Variants in RAB3IL1 observed in about 807,000 individuals in gnomAD.
RAB3IL1 encodes RAB3A interacting protein like 1.
Under a neutral mutation model 49.2 loss-of-function variants are expected in RAB3IL1, and 37 were observed. The observed-to-expected ratio is 0.75, with a 90% CI of 0.58 to 0.99. The LOEUF is 0.99. RAB3IL1 is among the 50% of genes least tolerant of loss of function. RAB3IL1 has a pLI of 0.00. For synonymous variants in RAB3IL1, 193 were observed against 213.9 expected (o/e 0.90, Z 0.85); for missense variants, 484 against 513.0 (o/e 0.94, Z 0.55).
In RAB3IL1 at chr11:61,907,586, C is replaced by T; in HGVS notation, c.339G>A (p.Glu113=). 6.2e-7 allele frequency: 1 copy of T among 1,614,130 alleles called. No homozygotes were observed. Among genetic ancestry groups the T allele is most frequent in the South Asian group, 1.1e-5 (1 of 91,078 alleles). The part of the protein sequence containing the change: ...VREQLEQELE[E]LTASLFEEAH... ...GTACCTCAAACAGGCTGGCCGTCAG[C>T]TCTTCCAGCTCCTGTTCTAGCTGCT... is the stretch of plus-strand genomic sequence containing the variant. The change falls in exon 3 of 10, where the codon GAG becomes GAA. Residue 113 remains glutamate, a synonymous_variant. Coordinates refer to ENST00000394836, the MANE Select transcript of RAB3IL1 (RefSeq NM_013401.4).
intron 8 of RAB3IL1, 65 bp downstream of exon 8, chr11:61,902,377 G>T: frequency 7.3e-7 from 1 of 1,365,518 alleles, no homozygotes; most frequent in Non-Finnish European, 1.0e-6. Flanking sequence ...CAGGCCCAGG[G>T]CCCAGTGTCC....
chr11:61,899,001 G>C, intron 9 of RAB3IL1: 1 of 531,210 alleles, frequency 1.9e-6, no homozygotes, highest in Non-Finnish European at 3.6e-6. Context: ...GCTGGAGGTG[G>C]GTGACCCTGT....
chr11:61,929,005 C>CA, the RAB3IL1 span, among the ~76,000 whole-genome samples: 5 of 151,086 alleles, frequency 3.3e-5, no homozygotes, highest in Non-Finnish European at 7.4e-5. Flanking sequence ...ACAAAATTTA[C>CA]AAAAAACAAA....
intron 7 of RAB3IL1, 136 bp from the exon 8 acceptor site, chr11:61,902,677 A>G (rs1477480986): frequency 8.9e-6 from 7 of 790,040 alleles, no homozygotes; most frequent in East Asian, 2.7e-5. Context: ...CCGGCTTCCA[A>G]AGGAACCCAG....
Position 61,908,382 on chromosome 11 carries a change from C to T in RAB3IL1, c.12-76G>A, listed in dbSNP as rs370310163. 2.7e-5 allele frequency: 35 copies of T among 1,320,452 alleles called. No individual in the cohort carries two copies. In the South Asian group the frequency reaches 4.1e-4, roughly 15 times the overall value. The allele number at this position is 1,320,452 out of a possible 1,614,324, so 81.8% of individuals were successfully genotyped here. A position where few individuals can be genotyped will look rare whatever the true frequency, so the allele number is the denominator to read the frequency against. ...GGAGAGCTGAGTCCAGAAACCGCCCCGGGGCAATGTGCCTGCCACTTGAGC... is the reference window on the plus strand; with the variant it reads ...GGAGAGCTGAGTCCAGAAACCGCCCTGGGGCAATGTGCCTGCCACTTGAGC... On this transcript the variant is annotated intron_variant, in intron 1 of 9. Coordinates refer to ENST00000394836, the MANE Select transcript of RAB3IL1 (RefSeq NM_013401.4).
chr11:61,938,248 CA>C, the RAB3IL1 span, among the ~76,000 whole-genome samples: 1 of 151,870 alleles, frequency 6.6e-6, no homozygotes, highest in African/African-American at 2.4e-5. Flanking sequence ...AACAAACAAA[CA>C]AAAAAACCTG....
At chr11:61,925,392 G>T in the RAB3IL1 span, among the ~76,000 whole-genome samples, 1 of 152,162 alleles carries the variant, frequency 6.6e-6, no homozygotes, top group African/African-American at 2.4e-5. Flanking sequence ...CCAGCACTTT[G>T]GGAGGCTGAG....
At chr11:61,902,586 C>T in intron 7 of RAB3IL1, 45 bp from the exon 8 acceptor site, 3 of 1,505,468 alleles carry the variant, frequency 2.0e-6, no homozygotes, top group Non-Finnish European at 1.8e-6. Flanking sequence ...TGGGGCTTGC[C>T]CCTCTCCCTC....
Position 61,906,693 on chromosome 11 carries a change from G to A in RAB3IL1, c.439-9C>T, listed in dbSNP as rs777074706. ...GCCTGCAGCATGTCGATCTGCATGG[G>A]ATGGGATGGCTGTCAACCCTCACCC... On this transcript the variant is annotated splice_polypyrimidine_tract_variant and intron_variant, in intron 4 of 9. Transcript: ENST00000394836. The surrounding 1 kb of genome is among the most constrained non-coding windows in gnomAD (Gnocchi z 4.6). 4.4e-6 allele frequency: 7 copies of A among 1,600,508 alleles called. No homozygotes were observed. The highest frequency in any genetic ancestry group is 1.3e-5 in the African/African-American group (1 of 74,744).
the RAB3IL1 span, among the ~76,000 whole-genome samples, chr11:61,934,450 G>GTATGTATATATATATA: frequency 3.2e-5 from 1 of 31,626 alleles, no homozygotes; most frequent in Non-Finnish European, 7.0e-5. Flanking sequence ...GTGTGTGTAT[G>GTATGTATATATATATA]TATATATATA....
rs1422826892 is a variant in RAB3IL1, at chr11:61,898,861, T to G, written c.1066+453A>C. ...CCTTACTCAGAGGGTCGGGCCAGACTGGTTCAGGAGAAGACTCAGCAGCGA... is the reference window on the plus strand; with the variant it reads ...CCTTACTCAGAGGGTCGGGCCAGACGGGTTCAGGAGAAGACTCAGCAGCGA... On this transcript the variant is annotated intron_variant, in intron 9 of 9. Coordinates refer to ENST00000394836, the MANE Select transcript of RAB3IL1 (RefSeq NM_013401.4). This position sits in a 1 kb window ranked among gnomAD's most constrained non-coding sequence, Gnocchi z 5.1. 4.3e-6 allele frequency: 2 copies of G among 466,844 alleles called. No individual in the cohort carries two copies. The highest frequency in any genetic ancestry group is 1.3e-4 in the East Asian group (2 of 14,940). 28.9% of individuals were successfully genotyped at this position (466,844 alleles called of 1,614,324 possible). A position where few individuals can be genotyped will look rare whatever the true frequency, so the allele number is the denominator to read the frequency against.
chr11:61,922,025 A>T (rs13328879), upstream of RAB3IL1, among the ~76,000 whole-genome samples: 786 of 148,428 alleles, frequency 5.3e-3, 6 homozygotes, highest in African/African-American at 0.017. Flanking sequence ...TCTATTATTT[A>T]AAAAAAAACC....
chr11:61,920,402 A>ATCTT, upstream of RAB3IL1: 1 of 562,900 alleles, frequency 1.8e-6, no homozygotes, highest in Non-Finnish European at 2.6e-6. Flanking sequence ...GCAGCAGAAG[A>ATCTT]CACTGGGCCC....
At chr11:61,927,054 G>C in the RAB3IL1 span, among the ~76,000 whole-genome samples, 1 of 152,118 alleles carries the variant, frequency 6.6e-6, no homozygotes, top group African/African-American at 2.4e-5. Flanking sequence ...ATGTTGGCGA[G>C]GCTGCTCTCA....
the RAB3IL1 span, among the ~76,000 whole-genome samples, chr11:61,940,845 G>A: frequency 6.6e-6 from 1 of 151,984 alleles, no homozygotes; most frequent in Non-Finnish European, 1.5e-5. Flanking sequence ...ACTTGAACCC[G>A]GGAGGTGGAG....
chr11:61,923,992 C>T (rs538958950), upstream of RAB3IL1, among the ~76,000 whole-genome samples: 35 of 152,144 alleles, frequency 2.3e-4, 1 homozygote, highest in Admixed American at 2.0e-3. Context: ...TGGAGGCGGC[C>T]GAATGGGGTC....
the RAB3IL1 span, among the ~76,000 whole-genome samples, chr11:61,931,860 T>A: frequency 2.6e-5 from 4 of 152,276 alleles, no homozygotes; most frequent in East Asian, 5.8e-4. Flanking sequence ...TGAGGGAATA[T>A]CCTTCAGAAA....
At chr11:61,911,155 C>T (rs1157089183) in intron 1 of RAB3IL1, among the ~76,000 whole-genome samples, 1 of 152,134 alleles carries the variant, frequency 6.6e-6, no homozygotes, top group African/African-American at 2.4e-5. Flanking sequence ...CCAGAGGAAA[C>T]AGTGGTCCAG....
At chr11:61,934,351 CATAT>C in the RAB3IL1 span, among the ~76,000 whole-genome samples, 37 of 91,340 alleles carry the variant, frequency 4.1e-4, no homozygotes, top group Middle Eastern at 5.1e-3. Flanking sequence ...CACACACACA[CATAT>C]GTATATATAT....
Sources: allele counts gnomAD v4.1 joint callset (sites outside exome capture counted in the v4.1 genomes callset), GRCh38; gene constraint gnomAD v4.1.1; non-coding constraint Gnocchi (gnomAD v3.1); transcripts MANE v1.5; gene names NCBI Gene and HGNC (gene_info 2026-07-23, HGNC 2026-07-21).